The following PRKCQ variants were observed in gnomAD, a reference collection of about 807,000 sequenced individuals.
PRKCQ encodes the protein protein kinase C theta, also known as protein kinase C theta type.
Under a neutral mutation model 91.2 loss-of-function variants are expected in PRKCQ, and 41 were observed. That is an observed-to-expected ratio of 0.45 (90% CI 0.35 to 0.58). PRKCQ has a LOEUF of 0.58. PRKCQ is among the 20% of genes least tolerant of loss of function. The pLI is 0.00. For missense variants in PRKCQ, 673 were observed against 896.5 expected, an observed-to-expected ratio of 0.75 and a Z score of 3.18; for synonymous variants, 307 against 316.9, an observed-to-expected ratio of 0.97 and a Z score of 0.33.
chr10:6,484,226 C>T (rs771842691), intron 10 of PRKCQ, among the ~76,000 whole-genome samples: 19 of 152,126 alleles, frequency 1.2e-4, no homozygotes, highest in Non-Finnish European at 1.8e-4. Flanking sequence ...CCAGCCTGGG[C>T]GACATGGTGA....
At chr10:6,477,569 A>G (rs1836336934) in intron 12 of PRKCQ, among the ~76,000 whole-genome samples, 1 of 152,146 alleles carries the variant, frequency 6.6e-6, no homozygotes, top group Non-Finnish European at 1.5e-5. Flanking sequence ...ATGGCTTGAG[A>G]TAGAAAATGG....
At chr10:6,566,778 G>A (rs1254471743) in intron 1 of PRKCQ, among the ~76,000 whole-genome samples, 1 of 152,068 alleles carries the variant, frequency 6.6e-6, no homozygotes, top group East Asian at 1.9e-4. Context: ...GACGACACTG[G>A]CCAGGAAGAA....
chr10:6,424,615 G>A (rs1833075047), downstream of PRKCQ, among the ~76,000 whole-genome samples: 1 of 152,200 alleles, frequency 6.6e-6, no homozygotes, highest in Admixed American at 6.5e-5. Context: ...GGCCATCATT[G>A]ATGGGTCCAT....
rs11818656 is a variant in PRKCQ, at chr10:6,475,408, C to A, written c.1353+3584G>T. Among the ~76,000 whole-genome samples the A allele has an allele frequency of 2.4e-3, 369 of 152,262 alleles. 1 individual carries two copies. Among genetic ancestry groups the A allele is most frequent in the African/African-American group, 8.7e-3 (361 of 41,556 alleles). On this transcript the variant is annotated intron_variant, in intron 12 of 17. Coordinates refer to ENST00000263125, the MANE Select transcript of PRKCQ (RefSeq NM_006257.5). The stretch of plus-strand genomic sequence containing the variant: ...TCACATTTTGTAGCTTCCTAAATGG[C>A]TTTATCATATTTTCACCCTTCCATA...
chr10:6,519,409 G>A (rs924050850), intron 1 of PRKCQ, among the ~76,000 whole-genome samples: 7 of 152,172 alleles, frequency 4.6e-5, no homozygotes, highest in Non-Finnish European at 8.8e-5. Context: ...TTACCCAGGG[G>A]TCGAGGATTC....
chr10:6,525,148 CTTT>C (rs55673084), intron 1 of PRKCQ, among the ~76,000 whole-genome samples: 3 of 134,056 alleles, frequency 2.2e-5, no homozygotes. Context: ...ATTTTAAGTT[CTTT>C]TTTTTTTTTT....
chr10:6,429,665 C>A (rs1335120432), intron 17 of PRKCQ, among the ~76,000 whole-genome samples: 5 of 152,112 alleles, frequency 3.3e-5, no homozygotes, highest in Non-Finnish European at 2.9e-5. Flanking sequence ...TTTTAAAAAT[C>A]ATTATTTTTA....
At chr10:6,403,052 C>T in the PRKCQ span, among the ~76,000 whole-genome samples, 4 of 152,270 alleles carry the variant, frequency 2.6e-5, no homozygotes, top group Non-Finnish European at 4.4e-5. Context: ...CCTTGCTCTA[C>T]TCTCCTATCC....
chr10:6,456,772 G>A lies in PRKCQ; in HGVS notation c.1549C>T (p.His517Tyr). ...ATTCCAAAATCCGCGATCTTGATAT[G>A]TCCATCTTTGTCTAACAGGATGTTA... Reference protein sequence around the residue: ...LDNILLDKDGHIKIADFGMCK... With the variant: ...LDNILLDKDGYIKIADFGMCK... The change falls in exon 15 of 18, where the codon CAT (histidine) becomes TAT (tyrosine). Residue 517 changes from histidine to tyrosine, a missense_variant. Physicochemically the swap from His to Tyr is moderately conservative, Grantham distance 83. Coordinates refer to ENST00000263125, the MANE Select transcript of PRKCQ (RefSeq NM_006257.5). 6.2e-7 allele frequency: 1 copy of A among 1,614,062 alleles called. No individual in the cohort carries two copies. The highest frequency in any genetic ancestry group is 8.5e-7 in the Non-Finnish European group (1 of 1,179,980).
chr10:6,536,167 C>T (rs537255053), intron 1 of PRKCQ, among the ~76,000 whole-genome samples: 4 of 152,268 alleles, frequency 2.6e-5, no homozygotes, highest in East Asian at 3.9e-4. Flanking sequence ...TTTGAAGGTC[C>T]GGGCAGCCCA....
At chr10:6,543,569 C>T (rs1473552897) in intron 1 of PRKCQ, among the ~76,000 whole-genome samples, 1 of 152,184 alleles carries the variant, frequency 6.6e-6, no homozygotes, top group Non-Finnish European at 1.5e-5. Flanking sequence ...TAGAGAGACG[C>T]TAACCACTAC....
the PRKCQ span, among the ~76,000 whole-genome samples, chr10:6,404,403 CCTT>C: frequency 6.6e-6 from 1 of 150,676 alleles, no homozygotes. Flanking sequence ...TTCTTTCTTT[CCTT>C]CTTTCTTTCT....
chr10:6,547,655 G>T (rs1245770390), intron 1 of PRKCQ, among the ~76,000 whole-genome samples: 2 of 150,474 alleles, frequency 1.3e-5, no homozygotes, highest in Non-Finnish European at 3.0e-5. Flanking sequence ...TTAATAAATG[G>T]TGCTGGGAAA....
chr10:6,447,687 C>T (rs11812141), intron 15 of PRKCQ, among the ~76,000 whole-genome samples: 47 of 152,276 alleles, frequency 3.1e-4, no homozygotes, highest in African/African-American at 5.3e-4. Flanking sequence ...CTCACAGGAA[C>T]GATGGGTGCC....
intron 16 of PRKCQ, among the ~76,000 whole-genome samples, chr10:6,436,810 C>T (rs879804082): frequency 2.5e-4 from 16 of 63,108 alleles, no homozygotes; most frequent in South Asian, 9.9e-4. Context: ...TGGAAGGAAC[C>T]CTTTCTTCCC....
Position 6,462,381 on chromosome 10 carries a change from C to T in PRKCQ, c.1446-16G>A. Reference sequence around the variant, plus strand: ...AGCATAAAACCTGGGGGAAGGAGAACCAAGGTTCAACATGAATGTTGTCAT... The same window carrying T: ...AGCATAAAACCTGGGGGAAGGAGAATCAAGGTTCAACATGAATGTTGTCAT... On this transcript the variant is annotated splice_polypyrimidine_tract_variant and intron_variant, in intron 13 of 17. Transcript: ENST00000263125. 1 of 1,612,112 alleles carries T rather than the reference C, an allele frequency of 6.2e-7. No individual in the cohort carries two copies. The highest frequency in any genetic ancestry group is 8.5e-7 in the Non-Finnish European group (1 of 1,178,774).
chr10:6,412,976 A>T, the PRKCQ span, among the ~76,000 whole-genome samples: 1 of 152,078 alleles, frequency 6.6e-6, no homozygotes, highest in Admixed American at 6.5e-5. Context: ...TTTTTGAGAC[A>T]GAGTCTCACT....
At chr10:6,513,556 A>G (rs906587199) in intron 2 of PRKCQ, among the ~76,000 whole-genome samples, 2 of 151,954 alleles carry the variant, frequency 1.3e-5, no homozygotes, top group African/African-American at 4.8e-5. Flanking sequence ...GCTTTGAAAA[A>G]CTCAGACGTT....
intron 4 of PRKCQ, among the ~76,000 whole-genome samples, chr10:6,500,945 C>T (rs139707060): frequency 3.9e-5 from 6 of 151,974 alleles, no homozygotes; most frequent in East Asian, 3.9e-4. Flanking sequence ...GAATAGGCTC[C>T]GAGATATGTG....
Sources: allele counts gnomAD v4.1 joint callset (sites outside exome capture counted in the v4.1 genomes callset), GRCh38; gene constraint gnomAD v4.1.1; transcripts MANE v1.5; gene names NCBI Gene and HGNC (gene_info 2026-07-23, HGNC 2026-07-21).